The following OCA2 variants were observed in gnomAD, a reference collection of about 807,000 sequenced individuals.
OCA2 encodes OCA2 melanosomal transmembrane protein.
In OCA2, 77 loss-of-function variants were observed where a neutral mutation model predicts 100.2. The observed-to-expected ratio is 0.77, with a 90% CI of 0.64 to 0.93. The LOEUF is 0.93. Among genes scored for constraint, OCA2 ranks in the 40% least tolerant of loss-of-function variants. OCA2 has a pLI of 0.00. For synonymous variants in OCA2, 432 were observed against 439.2 expected (o/e 0.98, Z 0.21); for missense variants, 1,062 against 1,089.1 (o/e 0.98, Z 0.35).
chr15:28,094,687 CG>C (rs2044936280), intron 1 of OCA2, among the ~76,000 whole-genome samples: 1 of 152,240 alleles, frequency 6.6e-6, no homozygotes, highest in African/African-American at 2.4e-5. Flanking sequence ...TGCCTGCAAC[CG>C]TGCCCCCGAA....
intron 19 of OCA2, among the ~76,000 whole-genome samples, chr15:27,902,209 TGTTG>T (rs1165627075): frequency 1.3e-5 from 1 of 79,150 alleles, no homozygotes; most frequent in African/African-American, 4.0e-5. Context: ...AAAAAGTTGT[TGTTG>T]TTGTTGTTTT....
At chr15:27,772,543 T>C (rs1488151756) in intron 23 of OCA2, among the ~76,000 whole-genome samples, 3 of 152,142 alleles carry the variant, frequency 2.0e-5, no homozygotes, top group Middle Eastern at 3.2e-3. Flanking sequence ...CTATTTTCCA[T>C]AGAAAATGGA....
At chr15:27,843,023 C>T (rs1458600909) in intron 23 of OCA2, among the ~76,000 whole-genome samples, 2 of 152,110 alleles carry the variant, frequency 1.3e-5, no homozygotes, top group African/African-American at 4.8e-5. Context: ...GGGAAAAGAT[C>T]AGACTGGGGT....
chr15:27,927,074 G>C (rs1362830736), intron 18 of OCA2, among the ~76,000 whole-genome samples: 1 of 152,184 alleles, frequency 6.6e-6, no homozygotes, highest in Non-Finnish European at 1.5e-5. Context: ...CAGATCACCT[G>C]AGGTCAGGAG....
At chr15:27,967,309 T>C (rs1183480286) in intron 14 of OCA2, among the ~76,000 whole-genome samples, 2 of 152,102 alleles carry the variant, frequency 1.3e-5, no homozygotes, top group Non-Finnish European at 2.9e-5. Flanking sequence ...ACGGATTCCT[T>C]ACCATGATTT....
intron 22 of OCA2, among the ~76,000 whole-genome samples, chr15:27,850,514 C>G (rs545613615): frequency 3.5e-4 from 53 of 152,112 alleles, no homozygotes; most frequent in African/African-American, 1.1e-3. Flanking sequence ...TTTCAGCACT[C>G]AATTTCAACA....
intron 19 of OCA2, among the ~76,000 whole-genome samples, chr15:27,913,887 G>GC (rs2038532369): frequency 4.1e-5 from 2 of 48,876 alleles, no homozygotes; most frequent in Non-Finnish European, 7.4e-5. Context: ...AAGAAAGAAA[G>GC]AAAGAAAGCA....
chr15:28,019,981 C>T, intron 6 of OCA2, among the ~76,000 whole-genome samples: 1 of 152,234 alleles, frequency 6.6e-6, no homozygotes, highest in East Asian at 1.9e-4. Flanking sequence ...ATCAACCCCT[C>T]ATCGTGGCTG....
chr15:27,969,036 T>C (rs1186119610), intron 14 of OCA2, among the ~76,000 whole-genome samples: 2 of 150,914 alleles, frequency 1.3e-5, no homozygotes, highest in African/African-American at 2.4e-5. Flanking sequence ...ATTTAAACTA[T>C]AGTACTAATA....
chr15:27,931,682 T>G (rs2703963), intron 18 of OCA2, among the ~76,000 whole-genome samples: 91,813 of 152,100 alleles, frequency 0.6, 28,618 homozygotes, highest in East Asian at 0.96. Context: ...TGTTCTTATT[T>G]TCTCAAATTA....
intron 19 of OCA2, among the ~76,000 whole-genome samples, chr15:27,884,500 G>T (rs1434834458): frequency 3.3e-5 from 5 of 152,150 alleles, no homozygotes. Flanking sequence ...CTTCCTTAAA[G>T]ACTCAGATAC....
intron 23 of OCA2, among the ~76,000 whole-genome samples, chr15:27,800,290 A>C (rs1233808975): frequency 6.6e-6 from 1 of 152,180 alleles, no homozygotes; most frequent in Non-Finnish European, 1.5e-5. Context: ...ATCTGAAAAA[A>C]CTGGAAAAAA....
At chr15:27,815,189 A>G (rs780484527) in intron 23 of OCA2, among the ~76,000 whole-genome samples, 4 of 152,194 alleles carry the variant, frequency 2.6e-5, no homozygotes, top group Non-Finnish European at 5.9e-5. Flanking sequence ...GAAGCTTCCC[A>G]TTCGCCGCAA....
rs183221246 is a variant in OCA2, at chr15:27,862,615, C to T, written c.2244+8539G>A. Among the ~76,000 whole-genome samples the T allele has an allele frequency of 2.0e-5, 3 of 152,192 alleles. No homozygotes were observed. In the East Asian group the frequency reaches 5.8e-4, roughly 29 times the overall value. On this transcript the variant is annotated intron_variant, in intron 21 of 23. Transcript: ENST00000354638. ...TCAGTCTCCTGAGTAGCTGGGATTA[C>T]AGGTGTGTGCCACTATGCCCAGCTA... is the stretch of plus-strand genomic sequence containing the variant.
the OCA2 span, among the ~76,000 whole-genome samples, chr15:27,739,925 G>A: frequency 2.0e-4 from 31 of 152,196 alleles, no homozygotes; most frequent in African/African-American, 7.2e-4. Flanking sequence ...TGTCAGCAGA[G>A]GACGTGACTC....
intron 18 of OCA2, among the ~76,000 whole-genome samples, chr15:27,932,098 G>A (rs2039273707): frequency 6.6e-6 from 1 of 152,200 alleles, no homozygotes; most frequent in Non-Finnish European, 1.5e-5. Flanking sequence ...AATACTATAG[G>A]TAGATGTGAA....
intron 23 of OCA2, among the ~76,000 whole-genome samples, chr15:27,814,385 A>G (rs1566985157): frequency 6.6e-6 from 1 of 152,236 alleles, no homozygotes; most frequent in Non-Finnish European, 1.5e-5. Context: ...TCCATTGACA[A>G]AAGACTGAGG....
At chr15:27,927,858 C>T (rs2039101967) in intron 18 of OCA2, among the ~76,000 whole-genome samples, 1 of 134,002 alleles carries the variant, frequency 7.5e-6, no homozygotes, top group Non-Finnish European at 1.5e-5. Context: ...GTGGTGCAAT[C>T]TCAGCTCACT....
chr15:27,978,551 A>G (rs918636483), intron 14 of OCA2, among the ~76,000 whole-genome samples: 14 of 152,190 alleles, frequency 9.2e-5, no homozygotes, highest in African/African-American at 3.1e-4. Context: ...AATCCTAGAA[A>G]TATTCTTTGC....
Sources: gnomAD v4.1 joint callset for allele counts (sites outside exome capture counted in the v4.1 genomes callset) on GRCh38, gnomAD v4.1.1 for gene constraint, MANE v1.5 for transcripts, NCBI Gene and HGNC (gene_info 2026-07-23, HGNC 2026-07-21) for gene names.